Variants in GPC5 observed in about 807,000 individuals in gnomAD.
The protein encoded by GPC5 is glypican 5.
A neutral mutation model predicts 53.9 loss-of-function variants in GPC5; 47 were observed. The observed-to-expected ratio is 0.87, with a 90% CI of 0.69 to 1.11. GPC5 has a LOEUF of 1.11. GPC5 is among the 50% of genes most tolerant of loss of function. The pLI, the probability that GPC5 is intolerant of heterozygous loss-of-function variation, is 0.00. For missense variants in GPC5, 748 were observed against 713.1 expected (o/e 1.05, Z -0.56); for synonymous variants, 286 against 263.3 (o/e 1.09, Z -0.84).
At chr13:92,281,771 G>A (rs910317305) in intron 7 of GPC5, among the ~76,000 whole-genome samples, 1 of 152,168 alleles carries the variant, frequency 6.6e-6, no homozygotes, top group Non-Finnish European at 1.5e-5. Context: ...AACGACCAAA[G>A]GTAGATAAAA....
intron 2 of GPC5, among the ~76,000 whole-genome samples, chr13:91,457,041 G>A (rs867816610): frequency 3.4e-4 from 52 of 151,986 alleles, no homozygotes; most frequent in African/African-American, 9.6e-4. Context: ...GTAAAATTGC[G>A]TAATAATTTG....
chr13:91,963,719 T>A (rs1305014726), intron 6 of GPC5, among the ~76,000 whole-genome samples: 3 of 152,058 alleles, frequency 2.0e-5, no homozygotes, highest in Non-Finnish European at 4.4e-5. Context: ...GTAATGGCAG[T>A]GGGGGTATAA....
At chr13:91,904,253 C>T (rs1269050915) in intron 5 of GPC5, among the ~76,000 whole-genome samples, 1 of 148,568 alleles carries the variant, frequency 6.7e-6, no homozygotes, top group Non-Finnish European at 1.5e-5. Context: ...CAGCTCACTG[C>T]AGCATTAATC....
At chr13:91,481,876 A>G (rs1004996492) in intron 2 of GPC5, among the ~76,000 whole-genome samples, 12 of 152,170 alleles carry the variant, frequency 7.9e-5, no homozygotes, top group African/African-American at 2.9e-4. Context: ...AGGGCTTGTC[A>G]TAAGCTTCAT....
At chr13:92,735,437 G>A (rs1466444428) in intron 7 of GPC5, among the ~76,000 whole-genome samples, 2 of 151,818 alleles carry the variant, frequency 1.3e-5, no homozygotes, top group African/African-American at 4.8e-5. Flanking sequence ...TTTAAATACT[G>A]ATTCTTCTTC....
intron 5 of GPC5, among the ~76,000 whole-genome samples, chr13:91,860,171 G>T (rs541567625): frequency 1.3e-5 from 2 of 151,908 alleles, no homozygotes; most frequent in African/African-American, 4.8e-5. Flanking sequence ...TTATTCCTCC[G>T]ATCCAGCTTT....
At chr13:92,546,833 G>A (rs1882134572) in intron 7 of GPC5, among the ~76,000 whole-genome samples, 1 of 152,036 alleles carries the variant, frequency 6.6e-6, no homozygotes, top group Non-Finnish European at 1.5e-5. Context: ...TAGACCAATG[G>A]AACAGAACAG....
intron 3 of GPC5, among the ~76,000 whole-genome samples, chr13:91,708,706 A>G (rs2036161450): frequency 6.6e-6 from 1 of 151,904 alleles, no homozygotes; most frequent in South Asian, 2.1e-4. Context: ...TAAAGCTGTT[A>G]TAAAAAAATT....
At chr13:92,123,837 A>G (rs989879817) in intron 6 of GPC5, among the ~76,000 whole-genome samples, 11 of 152,196 alleles carry the variant, frequency 7.2e-5, no homozygotes, top group African/African-American at 2.7e-4. Flanking sequence ...ATACATTACC[A>G]AATATATTCT....
intron 2 of GPC5, among the ~76,000 whole-genome samples, chr13:91,568,758 CTT>C (rs745597285): frequency 8.6e-5 from 12 of 138,776 alleles, no homozygotes; most frequent in South Asian, 7.0e-4. Flanking sequence ...TTCTTTCTTT[CTT>C]TTTTTTTTTT....
rs750551429 is a variant in GPC5 at position 92,612,321 on chromosome 13, G to A, written c.1562-253961G>A. Among the ~76,000 whole-genome samples the A allele has an allele frequency of 2.2e-4, 34 of 152,096 alleles. 1 individual carries two copies. In the South Asian group the frequency reaches 3.7e-3, roughly 17 times the overall value. On this transcript the variant is annotated intron_variant, in intron 7 of 7. Transcript: ENST00000377067. ...TGTGTAAATGTTCCATAAATATTGA[G>A]TTTCAGTCATTATCATTAGTATAAT...
At chr13:92,648,961 AT>A (rs1360912308) in intron 7 of GPC5, among the ~76,000 whole-genome samples, 1 of 152,092 alleles carries the variant, frequency 6.6e-6, no homozygotes, top group Non-Finnish European at 1.5e-5. Flanking sequence ...ATAAGTATGT[AT>A]AATAACCAGC....
At chr13:92,564,741 G>C (rs1333383662) in intron 7 of GPC5, among the ~76,000 whole-genome samples, 4 of 151,836 alleles carry the variant, frequency 2.6e-5, no homozygotes, top group African/African-American at 9.7e-5. Flanking sequence ...TGTACTTAAG[G>C]CTTAGCTCAC....
At position 91,693,726 on chromosome 13, in the gene GPC5, A is replaced by G. The variant is rs1566615713; in HGVS notation, c.865A>G (p.Asn289Asp). The change falls in exon 3 of 8, where the codon AAT (asparagine) becomes GAT (aspartate). Residue 289 changes from asparagine to aspartate, a missense_variant. Coordinates refer to ENST00000377067, the MANE Select transcript of GPC5 (RefSeq NM_004466.6). Reference protein sequence around the residue: ...RGCLAHMAELNPHWHAYIRSL... With the variant: ...RGCLAHMAELDPHWHAYIRSL... ...CTGCCTGGCGCACATGGCGGAGCTT[A>G]ATCCACACTGGCATGCATATATCCG... The G allele has an allele frequency of 3.1e-6, 5 of 1,614,158 alleles. No individual in the cohort carries two copies. The highest frequency in any genetic ancestry group is 3.4e-6 in the Non-Finnish European group (4 of 1,180,026).
chr13:92,547,979 G>A (rs1882182297), intron 7 of GPC5, among the ~76,000 whole-genome samples: 4 of 148,404 alleles, frequency 2.7e-5, no homozygotes, highest in South Asian at 4.3e-4. Flanking sequence ...ACAGGTGCCC[G>A]CCACCACGCC....
intron 7 of GPC5, among the ~76,000 whole-genome samples, chr13:92,700,105 G>T (rs1222674821): frequency 1.3e-5 from 2 of 151,954 alleles, no homozygotes; most frequent in African/African-American, 2.4e-5. Context: ...TATGAATCTG[G>T]GTGCTCTTGT....
intron 7 of GPC5, among the ~76,000 whole-genome samples, chr13:92,709,302 G>A (rs376607330): frequency 2.7e-5 from 4 of 149,184 alleles, no homozygotes; most frequent in East Asian, 3.9e-4. Context: ...CAAGTGATCC[G>A]CCCACCTCAA....
intron 7 of GPC5, among the ~76,000 whole-genome samples, chr13:92,435,609 C>T (rs1877273097): frequency 6.6e-6 from 1 of 152,150 alleles, no homozygotes; most frequent in Non-Finnish European, 1.5e-5. Context: ...GAAAAGAGAA[C>T]TGAGTCATGG....
chr13:91,551,423 C>A (rs2030629031), intron 2 of GPC5, among the ~76,000 whole-genome samples: 1 of 151,970 alleles, frequency 6.6e-6, no homozygotes, highest in African/African-American at 2.4e-5. Flanking sequence ...GAAGACAGGG[C>A]AAAGTTTCAT....
Sources: allele counts gnomAD v4.1 joint callset (sites outside exome capture counted in the v4.1 genomes callset), GRCh38; gene constraint gnomAD v4.1.1; transcripts MANE v1.5; gene names NCBI Gene and HGNC (gene_info 2026-07-23, HGNC 2026-07-21).